Variants in AOAH observed in about 807,000 individuals in gnomAD.
AOAH encodes acyloxyacyl hydrolase.
In AOAH, 64 loss-of-function variants were observed where a neutral mutation model predicts 92.2. The ratio of observed to expected loss-of-function variants is 0.69; its 90% CI spans 0.57 to 0.86. The LOEUF (loss-of-function observed/expected upper bound fraction) is 0.86, where lower values mean the gene tolerates loss of function less well. AOAH is among the 40% of genes least tolerant of loss of function. The probability of loss-of-function intolerance (pLI) is 0.00; values close to 1 mark genes in which losing one functional copy is unlikely to be tolerated. For synonymous variants in AOAH, 263 were observed against 254.5 expected, an observed-to-expected ratio of 1.03 and a Z score of -0.32; for missense variants, 656 against 694.6, an observed-to-expected ratio of 0.94 and a Z score of 0.62.
At chr7:36,705,180 A>T (rs1798312848) in intron 1 of AOAH, among the ~76,000 whole-genome samples, 1 of 152,200 alleles carries the variant, frequency 6.6e-6, no homozygotes, top group South Asian at 2.1e-4. Flanking sequence ...TCAAACAGAA[A>T]GAGAGAAAGT....
At chr7:36,663,912 T>C (rs1795374663) in intron 3 of AOAH, among the ~76,000 whole-genome samples, 1 of 152,196 alleles carries the variant, frequency 6.6e-6, no homozygotes, top group African/African-American at 2.4e-5. Context: ...AGCCATTCTA[T>C]GAACAGTGGT....
intron 4 of AOAH, among the ~76,000 whole-genome samples, chr7:36,643,611 A>G (rs993227904): frequency 3.3e-5 from 5 of 152,072 alleles, no homozygotes; most frequent in African/African-American, 4.8e-5. Context: ...CATTCTATTC[A>G]TTTATTTTAC....
At chr7:36,545,530 C>T (rs1178337259) in intron 15 of AOAH, among the ~76,000 whole-genome samples, 1 of 152,104 alleles carries the variant, frequency 6.6e-6, no homozygotes, top group African/African-American at 2.4e-5. Context: ...GGTCAACTGC[C>T]CAGGGTGTAA....
In AOAH at chr7:36,516,373, C is replaced by A. The variant is rs1783705788; in HGVS notation, c.1600-2993G>T. Among the ~76,000 whole-genome samples, 1 of 114,582 alleles carries A rather than the reference C, an allele frequency of 8.7e-6. No homozygotes were observed. The highest frequency in any genetic ancestry group is 1.7e-5 in the Non-Finnish European group (1 of 57,614). 75.2% of individuals were successfully genotyped at this position (114,582 alleles called of 152,430 possible). ...CACCCCCACAGAAAGCACACAGATA[C>A]CACACACACCCCCACAGAAAGCACA... On this transcript the variant is annotated intron_variant, in intron 20 of 20. Transcript: ENST00000617537. The surrounding 1 kb of genome is among the most constrained non-coding windows in gnomAD (Gnocchi z 5.0).
intron 3 of AOAH, among the ~76,000 whole-genome samples, chr7:36,669,581 C>T (rs887104134): frequency 1.3e-5 from 2 of 151,884 alleles, no homozygotes; most frequent in African/African-American, 4.8e-5. Context: ...TGGGGTTTCA[C>T]CATGTTGGTT....
chr7:36,695,430 A>T (rs1364886124), intron 1 of AOAH, among the ~76,000 whole-genome samples: 1 of 152,176 alleles, frequency 6.6e-6, no homozygotes, highest in Non-Finnish European at 1.5e-5. Flanking sequence ...TTTGTGTTTC[A>T]GGATGTCTGC....
At chr7:36,695,242 T>A (rs1469966533) in intron 1 of AOAH, among the ~76,000 whole-genome samples, 1 of 152,204 alleles carries the variant, frequency 6.6e-6, no homozygotes, top group Non-Finnish European at 1.5e-5. Context: ...TTGATTATAT[T>A]TTTTAAAAGT....
chr7:36,517,214 C>CTTTT (rs59205788), intron 20 of AOAH, among the ~76,000 whole-genome samples: 3 of 104,830 alleles, frequency 2.9e-5, no homozygotes, highest in Non-Finnish European at 5.8e-5. Context: ...TTCTTTCTTT[C>CTTTT]TCTTTCTTTC....
intron 12 of AOAH, among the ~76,000 whole-genome samples, chr7:36,584,341 T>C (rs1287035383): frequency 6.6e-6 from 1 of 152,216 alleles, no homozygotes; most frequent in African/African-American, 2.4e-5. Context: ...TATTTAAGCA[T>C]TGAGGTGGCC....
intron 1 of AOAH, among the ~76,000 whole-genome samples, chr7:36,709,080 C>T (rs956286995): frequency 6.6e-6 from 1 of 152,184 alleles, no homozygotes; most frequent in Non-Finnish European, 1.5e-5. Flanking sequence ...GAGAGCTTAT[C>T]TCAGCCCTTC....
intron 1 of AOAH, among the ~76,000 whole-genome samples, chr7:36,699,597 T>C (rs1167077563): frequency 6.6e-6 from 1 of 150,788 alleles, no homozygotes; most frequent in Non-Finnish European, 1.5e-5. Context: ...TTGAGAAATA[T>C]CTAGTCAAAC....
At chr7:36,524,067 C>T (rs1784256713) in intron 19 of AOAH, among the ~76,000 whole-genome samples, 1 of 152,116 alleles carries the variant, frequency 6.6e-6, no homozygotes, top group South Asian at 2.1e-4. Flanking sequence ...GAGATGACAT[C>T]ATCTCCATTC....
At position 36,621,788 on chromosome 7, in the gene AOAH, T is replaced by G. The variant is rs1307959230; in HGVS notation, c.583-8A>C. 6.2e-7 allele frequency: 1 copy of G among 1,613,902 alleles called. No individual in the cohort carries two copies. Among genetic ancestry groups the G allele is most frequent in the Non-Finnish European group, 8.5e-7 (1 of 1,179,920 alleles). On this transcript the variant is annotated splice_polypyrimidine_tract_variant and splice_region_variant and intron_variant, in intron 7 of 20. Coordinates refer to ENST00000617537, the MANE Select transcript of AOAH (RefSeq NM_001637.4). ...GTGATAGCCCCGCAGTGTCTGAAATTGAAGAGCACACACAGGAGGGGTTCA... is the reference window on the plus strand; with the variant it reads ...GTGATAGCCCCGCAGTGTCTGAAATGGAAGAGCACACACAGGAGGGGTTCA...
chr7:36,532,585 A>G (rs1784765166), intron 16 of AOAH, among the ~76,000 whole-genome samples: 2 of 152,184 alleles, frequency 1.3e-5, no homozygotes, highest in African/African-American at 4.8e-5. Flanking sequence ...AGCTGTGGGC[A>G]TGGGCCTGGA....
chr7:36,686,885 T>A, intron 1 of AOAH, 91 bp from the exon 2 acceptor site: 1 of 676,836 alleles, frequency 1.5e-6, no homozygotes, highest in Admixed American at 3.4e-5. Flanking sequence ...TGTGTGTGTG[T>A]GTGTGTGTGT....
intron 4 of AOAH, among the ~76,000 whole-genome samples, chr7:36,656,968 C>T (rs971716046): frequency 2.0e-5 from 3 of 151,514 alleles, no homozygotes; most frequent in South Asian, 4.2e-4. Context: ...ATACGTGCTA[C>T]GTAGGAGTGA....
At chr7:36,719,011 CAAT>C (rs1228450066) in intron 1 of AOAH, among the ~76,000 whole-genome samples, 1 of 152,154 alleles carries the variant, frequency 6.6e-6, no homozygotes, top group African/African-American at 2.4e-5. Flanking sequence ...ATCACATCAA[CAAT>C]AACATAATCA....
intron 10 of AOAH, among the ~76,000 whole-genome samples, chr7:36,616,990 C>A (rs913925265): frequency 1.4e-4 from 21 of 152,094 alleles, no homozygotes; most frequent in African/African-American, 3.9e-4. Flanking sequence ...CTGTATGCAG[C>A]CCTGTTTGTT....
chr7:36,600,731 A>G (rs908603605), intron 11 of AOAH, among the ~76,000 whole-genome samples: 10 of 152,102 alleles, frequency 6.6e-5, no homozygotes, highest in Non-Finnish European at 2.9e-5. Context: ...GCCAAATCCC[A>G]TAAAATCACA....
Sources: gnomAD v4.1 joint callset for allele counts (sites outside exome capture counted in the v4.1 genomes callset) on GRCh38, gnomAD v4.1.1 for gene constraint, Gnocchi (gnomAD v3.1) non-coding constraint, MANE v1.5 for transcripts, NCBI Gene and HGNC (gene_info 2026-07-23, HGNC 2026-07-21) for gene names.